The following GLRA3 variants were observed in gnomAD, a reference collection of about 807,000 sequenced individuals.
GLRA3 encodes the protein glycine receptor alpha 3.
GLRA3 carries 44 observed loss-of-function variants against 60.4 expected under a neutral mutation model. The observed-to-expected ratio is 0.73, with a 90% CI of 0.57 to 0.94. The LOEUF is 0.94. Among genes scored for constraint, GLRA3 ranks in the 40% least tolerant of loss-of-function variants. GLRA3 has a pLI of 0.00. For missense variants in GLRA3, 508 were observed against 564.6 expected, an observed-to-expected ratio of 0.90 and a Z score of 1.02; for synonymous variants, 223 against 192.9, an observed-to-expected ratio of 1.16 and a Z score of -1.29.
intron 3 of GLRA3, among the ~76,000 whole-genome samples, chr4:174,747,047 CATAATT>C (rs756802553): frequency 8.5e-5 from 13 of 152,106 alleles, no homozygotes; most frequent in Non-Finnish European, 5.9e-5. Context: ...TGTTTGTTTA[CATAATT>C]ATAATCAAAC....
chr4:174,798,845 C>CCA (rs1312013603), intron 1 of GLRA3, among the ~76,000 whole-genome samples: 10 of 151,972 alleles, frequency 6.6e-5, no homozygotes, highest in Admixed American at 3.9e-4. Flanking sequence ...GCCGTGAACC[C>CCA]GGGAGGCGGA....
At chr4:174,662,216 T>C (rs1733475137) in intron 7 of GLRA3, among the ~76,000 whole-genome samples, 1 of 152,230 alleles carries the variant, frequency 6.6e-6, no homozygotes, top group African/African-American at 2.4e-5. Context: ...ATACTTTATA[T>C]AGCCAATTAG....
chr4:174,691,065 C>A (rs1734776110), intron 5 of GLRA3, among the ~76,000 whole-genome samples: 1 of 152,124 alleles, frequency 6.6e-6, no homozygotes, highest in African/African-American at 2.4e-5. Context: ...AATGGTAGTT[C>A]TGCTTTTAGC....
intron 5 of GLRA3, among the ~76,000 whole-genome samples, chr4:174,692,604 C>A (rs1157716265): frequency 6.0e-5 from 9 of 150,820 alleles, no homozygotes; most frequent in African/African-American, 1.7e-4. Context: ...AAGAAAAATT[C>A]TTCTGCCTTG....
intron 3 of GLRA3, among the ~76,000 whole-genome samples, chr4:174,740,801 C>T (rs887611667): frequency 2.0e-5 from 3 of 152,138 alleles, no homozygotes; most frequent in East Asian, 3.9e-4. Context: ...GCCAGTGATG[C>T]CTTCTTCATC....
At chr4:174,827,435 G>A (rs1247573068) in intron 1 of GLRA3, among the ~76,000 whole-genome samples, 1 of 151,396 alleles carries the variant, frequency 6.6e-6, no homozygotes, top group African/African-American at 2.4e-5. Flanking sequence ...AAGCCATTAA[G>A]AAATATAGAG....
intron 1 of GLRA3, among the ~76,000 whole-genome samples, chr4:174,809,355 A>G (rs1418293542): frequency 2.0e-5 from 3 of 152,164 alleles, no homozygotes; most frequent in African/African-American, 7.2e-5. Flanking sequence ...TGTATCACCT[A>G]ACAATGTATT....
At chr4:174,722,263 T>C (rs1736160391) in intron 4 of GLRA3, among the ~76,000 whole-genome samples, 2 of 152,144 alleles carry the variant, frequency 1.3e-5, no homozygotes, top group Admixed American at 6.5e-5. Context: ...CAGCATTTTC[T>C]GTCCTCTTGC....
At chr4:174,667,314 G>A (rs1038736504) in intron 7 of GLRA3, among the ~76,000 whole-genome samples, 2 of 152,076 alleles carry the variant, frequency 1.3e-5, no homozygotes, top group South Asian at 2.1e-4. Flanking sequence ...AGTCAGGAGG[G>A]CGATTTCTAT....
chr4:174,732,360 T>TAA (rs780031779), intron 3 of GLRA3, among the ~76,000 whole-genome samples: 1 of 110,110 alleles, frequency 9.1e-6, no homozygotes, highest in Admixed American at 9.3e-5. Flanking sequence ...ACTCAAAAAT[T>TAA]AAAAAAAAAA....
intron 1 of GLRA3, among the ~76,000 whole-genome samples, chr4:174,803,769 T>C (rs1739916308): frequency 6.6e-6 from 1 of 152,166 alleles, no homozygotes; most frequent in South Asian, 2.1e-4. Flanking sequence ...ATGGTGATAG[T>C]AGTATCTTAT....
intron 3 of GLRA3, among the ~76,000 whole-genome samples, chr4:174,730,955 T>C (rs759051615): frequency 1.1e-4 from 16 of 152,214 alleles, no homozygotes; most frequent in African/African-American, 1.7e-4. Flanking sequence ...TTAATAATAA[T>C]GTATATTTCA....
At chr4:174,780,406 T>C (rs1034417517) in intron 2 of GLRA3, among the ~76,000 whole-genome samples, 1 of 151,000 alleles carries the variant, frequency 6.6e-6, no homozygotes, top group African/African-American at 2.4e-5. Context: ...CTGCATCAAC[T>C]AACCAGCAAA....
chr4:174,780,022 A>G (rs1394592687), intron 2 of GLRA3, among the ~76,000 whole-genome samples: 2 of 144,068 alleles, frequency 1.4e-5, no homozygotes, highest in Non-Finnish European at 1.5e-5. Flanking sequence ...CAGATTCACC[A>G]AAGTTGAAAT....
Position 174,829,044 on chromosome 4 carries a change from A to G in GLRA3, c.-233T>C, listed in dbSNP as rs941067288. ...TGCAGGTGATTTTTACAGTGAAATT[A>G]CAAAAATGAGTGAGATGAAATGTCT... is the stretch of plus-strand genomic sequence containing the variant. On this transcript the variant is annotated 5_prime_UTR_variant, in exon 1 of 10. Coordinates refer to ENST00000274093, the MANE Select transcript of GLRA3 (RefSeq NM_006529.4). The G allele has an allele frequency of 1.1e-5, 5 of 467,032 alleles. No individual in the cohort carries two copies. The highest frequency in any genetic ancestry group is 1.9e-5 in the Non-Finnish European group (5 of 259,180). 28.9% of individuals were successfully genotyped at this position (467,032 alleles called of 1,614,324 possible).
intron 1 of GLRA3, among the ~76,000 whole-genome samples, chr4:174,790,825 C>CAAAAAAAAAAAAAAA: frequency 1.5e-5 from 1 of 65,080 alleles, no homozygotes; most frequent in Non-Finnish European, 2.6e-5. Flanking sequence ...CTAAAAAATA[C>CAAAAAAAAAAAAAAA]AAAAAAAAAA....
At chr4:174,743,240 G>A (rs975662095) in intron 3 of GLRA3, among the ~76,000 whole-genome samples, 1 of 151,940 alleles carries the variant, frequency 6.6e-6, no homozygotes, top group Non-Finnish European at 1.5e-5. Flanking sequence ...TGAATTTCAC[G>A]AGATTATGAA....
At chr4:174,735,105 A>G (rs1212721322) in intron 3 of GLRA3, among the ~76,000 whole-genome samples, 1 of 152,112 alleles carries the variant, frequency 6.6e-6, no homozygotes, top group African/African-American at 2.4e-5. Flanking sequence ...TCTGTCTTTG[A>G]TGCTCACTTA....
At chr4:174,776,596 G>A (rs6825619) in intron 2 of GLRA3, among the ~76,000 whole-genome samples, 111,312 of 151,798 alleles carry the variant, frequency 0.73, 41,108 homozygotes, top group East Asian at 0.99. Flanking sequence ...GGCCTAGAAA[G>A]CAATCAAACA....
Sources: allele counts gnomAD v4.1 joint callset (sites outside exome capture counted in the v4.1 genomes callset), GRCh38; gene constraint gnomAD v4.1.1; transcripts MANE v1.5; gene names NCBI Gene and HGNC (gene_info 2026-07-23, HGNC 2026-07-21).